EPHB1: variants seen among roughly 807,000 people sequenced by gnomAD.
EPHB1 encodes the protein ephrin type-B receptor 1.
Under a neutral mutation model 94.4 loss-of-function variants are expected in EPHB1, and 30 were observed. The ratio of observed to expected loss-of-function variants is 0.32; its 90% CI spans 0.24 to 0.43. The LOEUF (loss-of-function observed/expected upper bound fraction) is 0.43, where lower values mean the gene tolerates loss of function less well. EPHB1 is among the 20% of genes least tolerant of loss of function. The probability of loss-of-function intolerance (pLI) is 1.00; values close to 1 mark genes in which losing one functional copy is unlikely to be tolerated. For missense variants in EPHB1, 1,055 were observed against 1,308.3 expected (o/e 0.81, Z 2.99); for synonymous variants, 522 against 489.1 (o/e 1.07, Z -0.89).
At chr3:134,894,139 G>C (rs746737153) in intron 1 of EPHB1, among the ~76,000 whole-genome samples, 21 of 152,126 alleles carry the variant, frequency 1.4e-4, no homozygotes, top group Middle Eastern at 3.2e-3. Context: ...GCACCATCCC[G>C]TCTTCCAAGG....
chr3:135,212,045 C>A (rs1943045697), intron 12 of EPHB1, among the ~76,000 whole-genome samples: 1 of 152,086 alleles, frequency 6.6e-6, no homozygotes, highest in East Asian at 1.9e-4. Flanking sequence ...TTCTCTTTTT[C>A]AGGTCTACTT....
At chr3:135,094,461 C>T (rs1357849277) in intron 3 of EPHB1, among the ~76,000 whole-genome samples, 2 of 152,152 alleles carry the variant, frequency 1.3e-5, no homozygotes, top group South Asian at 2.1e-4. Flanking sequence ...GGGGCTGGGC[C>T]GTGGACAGGA....
chr3:135,142,628 G>A (rs1940865816), intron 5 of EPHB1, among the ~76,000 whole-genome samples: 1 of 152,200 alleles, frequency 6.6e-6, no homozygotes, highest in Admixed American at 6.5e-5. Flanking sequence ...AGGTTGTGGT[G>A]AGGAAGCAGA....
At chr3:135,162,875 T>A (rs1253988258) in intron 7 of EPHB1, among the ~76,000 whole-genome samples, 2 of 152,208 alleles carry the variant, frequency 1.3e-5, no homozygotes, top group Non-Finnish European at 2.9e-5. Context: ...TCAAGTGATC[T>A]ATCTGACTGT....
At chr3:135,146,055 G>A (rs139435547) in intron 5 of EPHB1, among the ~76,000 whole-genome samples, 185 of 152,314 alleles carry the variant, frequency 1.2e-3, no homozygotes, top group African/African-American at 4.3e-3. Flanking sequence ...GAGCAGAGGT[G>A]AGCACCTCGG....
chr3:135,167,023 G>A lies in EPHB1; in HGVS notation c.1759+17G>A, dbSNP rs772205237. On this transcript the variant is annotated intron_variant, in intron 9 of 15. Coordinates refer to ENST00000398015, the MANE Select transcript of EPHB1 (RefSeq NM_004441.5). ...CAGGCCGAGGTAAGTAGAAAGCAGAGACCCGGTGTCTGACCCCCACAGGCC... is the reference window on the plus strand; with the variant it reads ...CAGGCCGAGGTAAGTAGAAAGCAGAAACCCGGTGTCTGACCCCCACAGGCC... 1 of 1,613,788 alleles carries A rather than the reference G, an allele frequency of 6.2e-7. No homozygotes were observed. Among genetic ancestry groups the A allele is most frequent in the Non-Finnish European group, 8.5e-7 (1 of 1,179,776 alleles).
At position 135,106,550 on chromosome 3, in the gene EPHB1, G is replaced by C. The variant is rs2107799068; in HGVS notation, c.908G>C (p.Cys303Ser). Reference sequence around the variant, plus strand: ...GCAGAGGCGTCTCCCATCTGCACCTGTCGGACCGGTTATTACCGAGCGGAC... The same window carrying C: ...GCAGAGGCGTCTCCCATCTGCACCTCTCGGACCGGTTATTACCGAGCGGAC... The part of the protein sequence containing the change: ...SPAEASPICT[C>S]RTGYYRADFD... Residue 303 changes from cysteine to serine, a missense_variant, in exon 4 of 16, where the codon TGT (cysteine) becomes TCT (serine). Cys to Ser is a moderately radical substitution (Grantham distance 112, BLOSUM62 -1). Transcript: ENST00000398015. The C allele has an allele frequency of 6.2e-7, 1 of 1,614,056 alleles. No individual in the cohort carries two copies. The highest frequency in any genetic ancestry group is 8.5e-7 in the Non-Finnish European group (1 of 1,179,898).
intron 3 of EPHB1, among the ~76,000 whole-genome samples, chr3:135,045,966 A>G (rs1019786288): frequency 1.4e-4 from 21 of 152,190 alleles, no homozygotes; most frequent in African/African-American, 5.1e-4. Context: ...CCGTTTTTCA[A>G]CTACATATGT....
intron 10 of EPHB1, among the ~76,000 whole-genome samples, chr3:135,188,727 C>T (rs1366323350): frequency 6.6e-6 from 1 of 152,158 alleles, no homozygotes; most frequent in Admixed American, 6.5e-5. Context: ...CTTCTTCCTC[C>T]ACTCACTACC....
At chr3:135,155,664 G>C (rs775616672) in intron 6 of EPHB1, among the ~76,000 whole-genome samples, 4 of 142,868 alleles carry the variant, frequency 2.8e-5, no homozygotes, top group Admixed American at 2.0e-4. Context: ...AATTAGCCAG[G>C]AGTGGTGGCA....
intron 1 of EPHB1, among the ~76,000 whole-genome samples, chr3:134,803,917 C>T (rs2035981234): frequency 6.6e-6 from 1 of 152,184 alleles, no homozygotes. Context: ...TGCTCGGACC[C>T]TGTGGACAGG....
At chr3:134,940,772 G>T (rs781642480) in intron 2 of EPHB1, among the ~76,000 whole-genome samples, 1 of 152,156 alleles carries the variant, frequency 6.6e-6, no homozygotes, top group Non-Finnish European at 1.5e-5. Context: ...TCATTTGTTT[G>T]TTTGTTCATG....
At chr3:135,164,961 T>C (rs191023770) in intron 7 of EPHB1, among the ~76,000 whole-genome samples, 1 of 152,356 alleles carries the variant, frequency 6.6e-6, no homozygotes, top group African/African-American at 2.4e-5. Flanking sequence ...TACTAAAACC[T>C]TTTTCATTAT....
intron 1 of EPHB1, among the ~76,000 whole-genome samples, chr3:134,818,935 G>C (rs531095159): frequency 6.6e-6 from 1 of 152,128 alleles, no homozygotes; most frequent in Non-Finnish European, 1.5e-5. Context: ...ACTGTGTTTC[G>C]AGGTGAGCAG....
intron 1 of EPHB1, among the ~76,000 whole-genome samples, chr3:134,840,878 A>G (rs1236815369): frequency 3.3e-5 from 5 of 152,156 alleles, no homozygotes; most frequent in Non-Finnish European, 4.4e-5. Flanking sequence ...GGTGGGATTT[A>G]GTGACCTGGC....
At chr3:135,247,776 G>A (rs1402950731) in intron 13 of EPHB1, among the ~76,000 whole-genome samples, 2 of 152,188 alleles carry the variant, frequency 1.3e-5, no homozygotes, top group African/African-American at 4.8e-5. Flanking sequence ...AAATAATGCA[G>A]AGGAGGCATC....
intron 3 of EPHB1, among the ~76,000 whole-genome samples, chr3:135,086,322 A>G (rs1938360176): frequency 6.6e-6 from 1 of 150,670 alleles, no homozygotes; most frequent in African/African-American, 2.4e-5. Flanking sequence ...CCTCAAGAGA[A>G]ACTCAGAAGT....
At chr3:135,146,499 A>G (rs1170911680) in intron 5 of EPHB1, among the ~76,000 whole-genome samples, 1 of 152,186 alleles carries the variant, frequency 6.6e-6, no homozygotes, top group African/African-American at 2.4e-5. Context: ...CACACATTAG[A>G]TGGGAAGGCT....
intron 1 of EPHB1, among the ~76,000 whole-genome samples, chr3:134,857,949 T>A (rs1191184325): frequency 6.6e-6 from 1 of 152,154 alleles, no homozygotes; most frequent in Non-Finnish European, 1.5e-5. Context: ...TGAATGTTGT[T>A]AGCATGAGTC....
Sources: allele counts gnomAD v4.1 joint callset (sites outside exome capture counted in the v4.1 genomes callset), GRCh38; gene constraint gnomAD v4.1.1; transcripts MANE v1.5; gene names NCBI Gene and HGNC (gene_info 2026-07-23, HGNC 2026-07-21).